CLEC16A: variants seen among roughly 807,000 people sequenced by gnomAD.
CLEC16A encodes C-type lectin domain containing 16A.
CLEC16A carries 51 observed loss-of-function variants against 109.5 expected under a neutral mutation model. The ratio of observed to expected loss-of-function variants is 0.47; its 90% CI spans 0.37 to 0.59. The LOEUF is 0.59. CLEC16A is among the 20% of genes least tolerant of loss of function. The probability of loss-of-function intolerance (pLI) is 0.00; values close to 1 mark genes in which losing one functional copy is unlikely to be tolerated. For missense variants in CLEC16A, 1,339 were observed against 1,394.0 expected, an observed-to-expected ratio of 0.96 and a Z score of 0.63; for synonymous variants, 673 against 564.2, an observed-to-expected ratio of 1.19 and a Z score of -2.73.
At chr16:10,987,475 C>A (rs965629955) in intron 10 of CLEC16A, among the ~76,000 whole-genome samples, 1 of 152,168 alleles carries the variant, frequency 6.6e-6, no homozygotes, top group Non-Finnish European at 1.5e-5. Flanking sequence ...TCTCACCTCC[C>A]TTGTGAGAGA....
chr16:11,097,243 G>C (rs1002376241), intron 19 of CLEC16A, among the ~76,000 whole-genome samples: 2 of 152,208 alleles, frequency 1.3e-5, no homozygotes, highest in African/African-American at 4.8e-5. Context: ...CCCAGTGTGA[G>C]CAGCTGGGTG....
chr16:11,161,322 A>G (rs1051088475), intron 22 of CLEC16A, among the ~76,000 whole-genome samples: 2 of 152,176 alleles, frequency 1.3e-5, no homozygotes, highest in African/African-American at 2.4e-5. Context: ...AGTTAACCCT[A>G]CCTTATGCAA....
At chr16:11,081,275 C>T (rs1344372102) in intron 19 of CLEC16A, among the ~76,000 whole-genome samples, 1 of 152,198 alleles carries the variant, frequency 6.6e-6, no homozygotes, top group African/African-American at 2.4e-5. Flanking sequence ...AAAAGAGCCC[C>T]ACTTTGTTGG....
intron 11 of CLEC16A, among the ~76,000 whole-genome samples, chr16:11,006,515 T>C (rs1433110055): frequency 1.3e-5 from 2 of 152,176 alleles, no homozygotes; most frequent in Admixed American, 6.5e-5. Flanking sequence ...CACGGACTTA[T>C]CGACAGATGG....
At chr16:11,110,576 AG>A (rs2051518340) in intron 19 of CLEC16A, among the ~76,000 whole-genome samples, 2 of 152,232 alleles carry the variant, frequency 1.3e-5, no homozygotes, top group Admixed American at 1.3e-4. Context: ...CTTAGGCAGA[AG>A]GGTTCCAACG....
rs771975322 is a variant in CLEC16A at position 11,042,381 on chromosome 16, C to T, written c.1770+18C>T. The T allele has an allele frequency of 8.4e-6, 13 of 1,540,956 alleles. No homozygotes were observed. The highest frequency in any genetic ancestry group is 4.1e-4 in the Middle Eastern group (2 of 4,886). ...GCCTGGAGGTAACGCCCTCTCCGCT[C>T]CTCCTTCCTGTGGGCCAAGGGAGAG... On this transcript the variant is annotated intron_variant, in intron 15 of 23. Transcript: ENST00000409790.
At position 10,977,297 on chromosome 16, in the gene CLEC16A, C is replaced by T; in HGVS notation, c.801C>T (p.Ile267=). 2 of 1,613,994 alleles carry T rather than the reference C, an allele frequency of 1.2e-6. No individual in the cohort carries two copies. Among genetic ancestry groups the T allele is most frequent in the Non-Finnish European group, 1.7e-6 (2 of 1,179,876 alleles). Residue 267 remains isoleucine, a synonymous_variant, in exon 8 of 24, where the codon ATC becomes ATT. Transcript: ENST00000409790. ...HLDHLHYLND[I]LIINCEFLND... is the part of the protein sequence containing the mutation. ...ACCACCTGCACTATCTCAATGACAT[C>T]CTGATCATCAACTGTGAGTTCCTCA...
At chr16:10,949,699 A>G (rs2041623205) in intron 1 of CLEC16A, among the ~76,000 whole-genome samples, 3 of 152,182 alleles carry the variant, frequency 2.0e-5, no homozygotes, top group Admixed American at 2.0e-4. Flanking sequence ...AGGTTTTTTA[A>G]CTACAGAAAG....
chr16:11,159,358 C>A (rs985990439), intron 22 of CLEC16A, among the ~76,000 whole-genome samples: 1 of 152,216 alleles, frequency 6.6e-6, no homozygotes, highest in African/African-American at 2.4e-5. Flanking sequence ...ATAGAGAGGA[C>A]CACCAGTGTT....
chr16:11,024,029 G>C (rs2046273468), intron 12 of CLEC16A: 1 of 152,232 alleles, frequency 6.6e-6, no homozygotes, highest in Non-Finnish European at 1.5e-5. Flanking sequence ...CACCCACAAA[G>C]CATCAGAGGT....
At position 11,181,249 on chromosome 16, in the gene CLEC16A, CTCCCAGACAGGCCA is replaced by C. The variant is rs915068381; in HGVS notation, c.*2560_*2573del. On this transcript the variant is annotated 3_prime_UTR_variant, in exon 24 of 24. Transcript: ENST00000409790. Reference sequence around the variant, plus strand: ...CCCGTCAAACCTCATAGCTGGGGCGCTCCCAGACAGGCCAGTCCAGACAGGACACGCTGGGCCCC... The same window carrying C: ...CCCGTCAAACCTCATAGCTGGGGCGCGTCCAGACAGGACACGCTGGGCCCC... 67 of 152,462 alleles carry C rather than the reference CTCCCAGACAGGCCA, an allele frequency of 4.4e-4. No individual in the cohort carries two copies. Among genetic ancestry groups the C allele is most frequent in the African/African-American group, 1.6e-3 (66 of 41,588 alleles). 9.4% of individuals were successfully genotyped at this position (152,462 alleles called of 1,614,324 possible).
At chr16:11,117,897 C>T (rs13336350) in intron 19 of CLEC16A, among the ~76,000 whole-genome samples, 1 of 152,170 alleles carries the variant, frequency 6.6e-6, no homozygotes, top group African/African-American at 2.4e-5. Context: ...TCTAATGGTC[C>T]TATGTTACCC....
intron 7 of CLEC16A, among the ~76,000 whole-genome samples, chr16:10,974,261 G>C (rs2042935755): frequency 6.6e-6 from 1 of 152,012 alleles, no homozygotes; most frequent in African/African-American, 2.4e-5. Context: ...TCATGGTCAG[G>C]CAACTATGTG....
rs191837479 is a variant in CLEC16A at position 11,067,949 on chromosome 16, A to G, written c.2116+6927A>G. Among the ~76,000 whole-genome samples the G allele has an allele frequency of 7.9e-4, 120 of 152,304 alleles. 1 individual carries two copies. Among genetic ancestry groups the G allele is most frequent in the Admixed American group, 7.5e-3 (114 of 15,302 alleles). On this transcript the variant is annotated intron_variant, in intron 19 of 23. Coordinates refer to ENST00000409790, the MANE Select transcript of CLEC16A (RefSeq NM_015226.3). ...GTACCTTTGAAGCTAATTATTAACA[A>G]CAACCCAACTATTTGGGTTGTATTC... is the stretch of plus-strand genomic sequence containing the variant.
chr16:11,176,398 G>T (rs531437129), intron 23 of CLEC16A, among the ~76,000 whole-genome samples: 91 of 151,984 alleles, frequency 6.0e-4, no homozygotes, highest in African/African-American at 2.0e-3. Flanking sequence ...GTTTCCTCTA[G>T]ATCTCTCTCT....
chr16:11,060,463 G>A (rs1451449098), intron 18 of CLEC16A, among the ~76,000 whole-genome samples: 3 of 152,196 alleles, frequency 2.0e-5, no homozygotes, highest in Admixed American at 6.5e-5. Flanking sequence ...GGGTTTTCCA[G>A]AGCCCATGCT....
intron 10 of CLEC16A, among the ~76,000 whole-genome samples, chr16:10,994,353 A>G (rs531705943): frequency 6.6e-6 from 1 of 152,280 alleles, no homozygotes; most frequent in Non-Finnish European, 1.5e-5. Context: ...CGAGTAAGGC[A>G]TATGTCTATA....
intron 11 of CLEC16A, among the ~76,000 whole-genome samples, chr16:11,016,594 C>T (rs188345876): frequency 6.6e-6 from 1 of 152,096 alleles, no homozygotes; most frequent in Admixed American, 6.5e-5. Flanking sequence ...CCTCAGCCTC[C>T]CAAAATGCTA....
Position 11,044,030 on chromosome 16 carries a change from T to C in CLEC16A, c.1773T>C (p.Gly591=). 6.2e-7 allele frequency: 1 copy of C among 1,608,354 alleles called. No homozygotes were observed. Among genetic ancestry groups the C allele is most frequent in the East Asian group, 2.2e-5 (1 of 44,758 alleles). The change falls in exon 16 of 24, where the codon GGT becomes GGC. Residue 591 remains glycine (G), a splice_region_variant and synonymous_variant. Transcript: ENST00000409790. The part of the protein sequence containing the change: ...MKDVHLACLE[G]AREESVHLVR... ...ACACCTTCCTTCTCTTTTAACAGGG[T>C]GCGAGAGAAGAAAGTGTTCACCTTG...
Sources: gnomAD v4.1 joint callset for allele counts (sites outside exome capture counted in the v4.1 genomes callset) on GRCh38, gnomAD v4.1.1 for gene constraint, MANE v1.5 for transcripts, NCBI Gene and HGNC (gene_info 2026-07-23, HGNC 2026-07-21) for gene names.